Variants in MYO3B observed in about 807,000 individuals in gnomAD.
MYO3B encodes the protein myosin-IIIb.
Under a neutral mutation model 174.6 loss-of-function variants are expected in MYO3B, and 156 were observed. That is an observed-to-expected ratio of 0.89 (90% CI 0.78 to 1.02). The LOEUF is 1.02. Among genes scored for constraint, MYO3B ranks in the 50% least tolerant of loss-of-function variants. The pLI is 0.00. For synonymous variants in MYO3B, 563 were observed against 569.1 expected (o/e 0.99, Z 0.15); for missense variants, 1,632 against 1,639.4 (o/e 1.00, Z 0.08).
chr2:170,270,988 T>C (rs930551246), intron 7 of MYO3B, among the ~76,000 whole-genome samples: 1 of 152,202 alleles, frequency 6.6e-6, no homozygotes, highest in Non-Finnish European at 1.5e-5. Flanking sequence ...TATAAGCATA[T>C]CCACATTTAT....
chr2:170,485,346 C>A (rs1429300445), intron 25 of MYO3B, among the ~76,000 whole-genome samples: 2 of 151,574 alleles, frequency 1.3e-5, no homozygotes, highest in African/African-American at 2.4e-5. Context: ...CCCAATGATG[C>A]CCCCTCTCTA....
At chr2:170,638,677 CT>C (rs1697724409) in intron 32 of MYO3B, among the ~76,000 whole-genome samples, 1 of 152,190 alleles carries the variant, frequency 6.6e-6, no homozygotes, top group South Asian at 2.1e-4. Context: ...AGGCATGTCT[CT>C]CACTGCACAC....
chr2:170,387,088 G>A lies in MYO3B; in HGVS notation c.1375-18G>A, dbSNP rs371136582. ...ATGTTTCTGGAGTCTCTTCTTGACC[G>A]TTCTCTGTTTGGCACAGGCCAATAA... is the stretch of plus-strand genomic sequence containing the variant. On this transcript the variant is annotated intron_variant, in intron 13 of 34. Coordinates refer to ENST00000408978, the MANE Select transcript of MYO3B (RefSeq NM_138995.5). 1.0e-4 allele frequency: 165 copies of A among 1,613,048 alleles called. 1 individual carries two copies. The highest frequency in any genetic ancestry group is 1.6e-4 in the Middle Eastern group (1 of 6,074).
intron 23 of MYO3B, among the ~76,000 whole-genome samples, chr2:170,445,918 G>A (rs2094838520): frequency 6.6e-6 from 1 of 152,242 alleles, no homozygotes; most frequent in East Asian, 1.9e-4. Flanking sequence ...GTTTGCAGGT[G>A]TGAGCCACCA....
chr2:170,321,125 A>G (rs983337373), intron 7 of MYO3B, among the ~76,000 whole-genome samples: 2 of 152,152 alleles, frequency 1.3e-5, no homozygotes, highest in African/African-American at 4.8e-5. Context: ...ACAAACAAGA[A>G]AACTCCATGT....
intron 7 of MYO3B, among the ~76,000 whole-genome samples, chr2:170,310,638 C>G (rs2093732257): frequency 8.0e-6 from 1 of 125,756 alleles, no homozygotes; most frequent in African/African-American, 3.0e-5. Context: ...GCACTCCAGC[C>G]TGGGCGACAA....
At chr2:170,533,654 A>T (rs973131048) in intron 30 of MYO3B, among the ~76,000 whole-genome samples, 6 of 152,236 alleles carry the variant, frequency 3.9e-5, no homozygotes, top group African/African-American at 1.4e-4. Context: ...CAGATACCTC[A>T]TCATTACTAT....
intron 9 of MYO3B, among the ~76,000 whole-genome samples, chr2:170,369,963 T>A (rs992738062): frequency 7.9e-5 from 12 of 151,268 alleles, no homozygotes; most frequent in African/African-American, 2.9e-4. Context: ...CTGTGATTCC[T>A]ACCCTACCTC....
At chr2:170,606,676 G>A (rs925741934) in intron 32 of MYO3B, among the ~76,000 whole-genome samples, 1 of 152,186 alleles carries the variant, frequency 6.6e-6, no homozygotes, top group Non-Finnish European at 1.5e-5. Flanking sequence ...ATTTAGGAAT[G>A]CGTAAATATT....
chr2:170,338,417 G>A (rs1309063399), intron 8 of MYO3B, among the ~76,000 whole-genome samples: 2 of 151,978 alleles, frequency 1.3e-5, no homozygotes. Context: ...TTATATAATA[G>A]GTGTTTATAG....
intron 32 of MYO3B, among the ~76,000 whole-genome samples, chr2:170,579,350 C>T (rs1323768217): frequency 2.0e-5 from 3 of 151,528 alleles, no homozygotes; most frequent in Non-Finnish European, 4.4e-5. Flanking sequence ...TTTCAAACAT[C>T]CAGAAGAGAG....
At chr2:170,309,680 A>G (rs1190996053) in intron 7 of MYO3B, among the ~76,000 whole-genome samples, 4 of 151,326 alleles carry the variant, frequency 2.6e-5, no homozygotes, top group African/African-American at 7.3e-5. Context: ...ACCTTTCCCT[A>G]TTGTTGAATA....
chr2:170,460,144 A>G (rs1373653756), intron 23 of MYO3B, among the ~76,000 whole-genome samples: 1 of 152,120 alleles, frequency 6.6e-6, no homozygotes, highest in Non-Finnish European at 1.5e-5. Context: ...AGTCGCCGAG[A>G]GTAAGCGAGG....
intron 32 of MYO3B, among the ~76,000 whole-genome samples, chr2:170,546,390 A>AG (rs752130958): frequency 3.6e-4 from 55 of 152,348 alleles, no homozygotes; most frequent in Admixed American, 1.3e-3. Context: ...ATGAAATGAA[A>AG]CTCTACCTAA....
At chr2:170,514,010 A>G (rs960909465) in intron 28 of MYO3B, among the ~76,000 whole-genome samples, 1 of 152,246 alleles carries the variant, frequency 6.6e-6, no homozygotes, top group Non-Finnish European at 1.5e-5. Flanking sequence ...GGAAGGTGCA[A>G]GAAGTGAGAA....
At chr2:170,259,110 T>C (rs144842795) in intron 7 of MYO3B, among the ~76,000 whole-genome samples, 1 of 152,092 alleles carries the variant, frequency 6.6e-6, no homozygotes, top group African/African-American at 2.4e-5. Flanking sequence ...ACTGGAAAAA[T>C]CAGTGTTGTT....
At chr2:170,237,987 C>A (rs2105303151) in intron 7 of MYO3B, among the ~76,000 whole-genome samples, 1 of 152,282 alleles carries the variant, frequency 6.6e-6, no homozygotes, top group South Asian at 2.1e-4. Flanking sequence ...CATTCTTGGA[C>A]AAGAATGATA....
At chr2:170,245,008 G>T (rs751995027) in intron 7 of MYO3B, among the ~76,000 whole-genome samples, 2 of 152,172 alleles carry the variant, frequency 1.3e-5, no homozygotes, top group Non-Finnish European at 2.9e-5. Context: ...AATTGTGTCA[G>T]TATGAATACA....
chr2:170,653,270 A>G lies in MYO3B; in HGVS notation c.*149A>G. ...CCTTACTGAACCACTTGCAGATTCC[A>G]AAACATCTTATCCTATCCTCTACCA... On this transcript the variant is annotated 3_prime_UTR_variant, in exon 35 of 35. Transcript: ENST00000408978. 1.1e-6 allele frequency: 1 copy of G among 883,124 alleles called. No homozygotes were observed. Among genetic ancestry groups the G allele is most frequent in the Non-Finnish European group, 1.8e-6 (1 of 567,118 alleles). 54.7% of individuals were successfully genotyped at this position (883,124 alleles called of 1,614,324 possible).
Sources: gnomAD v4.1 joint callset for allele counts (sites outside exome capture counted in the v4.1 genomes callset) on GRCh38, gnomAD v4.1.1 for gene constraint, MANE v1.5 for transcripts, NCBI Gene and HGNC (gene_info 2026-07-23, HGNC 2026-07-21) for gene names.